LMTK2: variants seen among roughly 807,000 people sequenced by gnomAD.
LMTK2 encodes the protein lemur tail kinase 2.
LMTK2 carries 37 observed loss-of-function variants against 127.5 expected under a neutral mutation model. The observed-to-expected ratio is 0.29, with a 90% CI of 0.22 to 0.38. The LOEUF is 0.38. Among genes scored for constraint, LMTK2 ranks in the 10% least tolerant of loss-of-function variants. LMTK2 has a pLI of 1.00. For synonymous variants in LMTK2, 819 were observed against 810.1 expected (o/e 1.01, Z -0.19); for missense variants, 1,694 against 1,920.3 (o/e 0.88, Z 2.20).
chr7:98,207,317 G>A lies in LMTK2; in HGVS notation c.*1825G>A, dbSNP rs956972889. On this transcript the variant is annotated 3_prime_UTR_variant, in exon 14 of 14. Transcript: ENST00000297293. Reference sequence around the variant, plus strand: ...CTAGTGCAAAATGCAGGCGGACGTTGCCAGAGAGTGCGCAGCAAATGACCT... The same window carrying A: ...CTAGTGCAAAATGCAGGCGGACGTTACCAGAGAGTGCGCAGCAAATGACCT... 6.6e-6 allele frequency: 1 copy of A among 152,204 alleles called. No homozygotes were observed. The highest frequency in any genetic ancestry group is 1.5e-5 in the Non-Finnish European group (1 of 68,048). 9.4% of individuals were successfully genotyped at this position (152,204 alleles called of 1,614,324 possible). A position where few individuals can be genotyped will look rare whatever the true frequency, so the allele number is the denominator to read the frequency against.
intron 13 of LMTK2, 64 bp from the exon 14 acceptor site, chr7:98,205,400 G>T: frequency 2.5e-6 from 4 of 1,600,436 alleles, no homozygotes; most frequent in East Asian, 2.2e-5. Flanking sequence ...TGCCATCCAC[G>T]CCATGCCTGT....
intron 7 of LMTK2, among the ~76,000 whole-genome samples, chr7:98,173,233 A>G (rs1797220441): frequency 6.6e-6 from 1 of 152,168 alleles, no homozygotes; most frequent in Admixed American, 6.5e-5. Flanking sequence ...GACAGAGGAA[A>G]ATTATTAACC....
intron 7 of LMTK2, among the ~76,000 whole-genome samples, chr7:98,176,580 C>G (rs920172298): frequency 6.6e-6 from 1 of 152,268 alleles, no homozygotes; most frequent in African/African-American, 2.4e-5. Flanking sequence ...CACAGTGGCT[C>G]ACACCTGTAA....
intron 1 of LMTK2, among the ~76,000 whole-genome samples, chr7:98,133,711 C>T (rs1796557262): frequency 6.6e-6 from 1 of 152,024 alleles, no homozygotes; most frequent in Non-Finnish European, 1.5e-5. Context: ...GCCCTGCAGA[C>T]CCTAGCAGAA....
chr7:98,200,577 C>T (rs1797691625), intron 11 of LMTK2, among the ~76,000 whole-genome samples: 1 of 152,164 alleles, frequency 6.6e-6, no homozygotes, highest in South Asian at 2.1e-4. Context: ...CACGGGTGGT[C>T]TTGTCACTGA....
intron 4 of LMTK2, among the ~76,000 whole-genome samples, chr7:98,152,157 T>C (rs1365248985): frequency 2.0e-5 from 3 of 152,200 alleles, no homozygotes; most frequent in Non-Finnish European, 4.4e-5. Flanking sequence ...AGTCTTACAA[T>C]GAAGACCACC....
At position 98,203,992 on chromosome 7, in the gene LMTK2, C is replaced by T. The variant is rs1278178780; in HGVS notation, c.4289C>T (p.Ser1430Leu). 1 of 1,614,154 alleles carries T rather than the reference C, an allele frequency of 6.2e-7. No homozygotes were observed. The highest frequency in any genetic ancestry group is 1.1e-5 in the South Asian group (1 of 91,082). ...GACTTCTCCCCAGATCCTTTTATGT[C>T]AAAGACAACAAGTAACCTGCTCAGC... ...DDDFSPDPFMSKTTSNLLSSK... is the reference protein window; with the variant it reads ...DDDFSPDPFMLKTTSNLLSSK... The change falls in exon 13 of 14, where the codon TCA becomes TTA. Residue 1430 changes from serine (S) to leucine (L), a missense_variant. This residue lies in a region of LMTK2 where 554 missense variants were observed against 567.7 expected (regional missense o/e 0.98). Coordinates refer to ENST00000297293, the MANE Select transcript of LMTK2 (RefSeq NM_014916.4).
At chr7:98,197,726 C>T (rs747905942) in intron 11 of LMTK2, among the ~76,000 whole-genome samples, 17 of 152,032 alleles carry the variant, frequency 1.1e-4, no homozygotes, top group Non-Finnish European at 1.9e-4. Flanking sequence ...CCTATAGTCT[C>T]ACCTGCTCAG....
At chr7:98,107,477 G>A (rs1332097066) in intron 1 of LMTK2, among the ~76,000 whole-genome samples, 197 bp downstream of exon 1, 1 of 151,884 alleles carries the variant, frequency 6.6e-6, no homozygotes, top group Non-Finnish European at 1.5e-5. Flanking sequence ...CGACGTCGTT[G>A]GGGCTGGGGA....
intron 6 of LMTK2, among the ~76,000 whole-genome samples, chr7:98,167,852 G>GT (rs2116415259): frequency 6.6e-6 from 1 of 152,330 alleles, no homozygotes; most frequent in South Asian, 2.1e-4. Flanking sequence ...GGGAGAGCCA[G>GT]TGGGGGGGCC....
chr7:98,150,480 G>C (rs1022452077), intron 3 of LMTK2, among the ~76,000 whole-genome samples: 2 of 152,144 alleles, frequency 1.3e-5, no homozygotes, highest in African/African-American at 4.8e-5. Flanking sequence ...AAAAGTTAGA[G>C]ACACCTCCCA....
At chr7:98,107,369 G>T (rs1796125883) in intron 1 of LMTK2, 89 bp downstream of exon 1, 2 of 184,444 alleles carry the variant, frequency 1.1e-5, no homozygotes, top group Non-Finnish European at 1.0e-5. Flanking sequence ...CGGCGCCGAG[G>T]AATCGGAGGG....
chr7:98,112,565 A>C (rs1796217653), intron 1 of LMTK2, among the ~76,000 whole-genome samples: 1 of 152,236 alleles, frequency 6.6e-6, no homozygotes, highest in Admixed American at 6.5e-5. Flanking sequence ...GGCATTGGAC[A>C]GCACAGAAGA....
chr7:98,106,920 G>C lies in LMTK2; in HGVS notation c.-258G>C. 2.2e-6 allele frequency: 1 copy of C among 451,754 alleles called. No homozygotes were observed. Among genetic ancestry groups the C allele is most frequent in the Non-Finnish European group, 3.9e-6 (1 of 254,934 alleles). 28.0% of individuals were successfully genotyped at this position (451,754 alleles called of 1,614,324 possible). ...CGCGGCTTCCCAGGCCCGCCGCTCC[G>C]CAGGGCTGCTGGCGTTGCTGCTGTT... is the stretch of plus-strand genomic sequence containing the variant. On this transcript the variant is annotated 5_prime_UTR_variant, in exon 1 of 14. Transcript: ENST00000297293.
intron 6 of LMTK2, 100 bp downstream of exon 6, chr7:98,159,525 G>A: frequency 1.3e-6 from 1 of 779,032 alleles, no homozygotes. Flanking sequence ...TTTCATGTCT[G>A]TCCCCCACTT....
intron 1 of LMTK2, among the ~76,000 whole-genome samples, chr7:98,109,882 A>T (rs1365381976): frequency 1.3e-5 from 2 of 151,590 alleles, no homozygotes; most frequent in African/African-American, 4.9e-5. Context: ...GACCAAGTTT[A>T]AAAAAAAACC....
At chr7:98,167,411 G>T (rs546779425) in intron 6 of LMTK2, among the ~76,000 whole-genome samples, 8 of 152,330 alleles carry the variant, frequency 5.3e-5, no homozygotes, top group African/African-American at 1.9e-4. Flanking sequence ...ACTGGCTTTG[G>T]CTGCTCAGGC....
chr7:98,107,621 C>T (rs1323129275), intron 1 of LMTK2, among the ~76,000 whole-genome samples: 2 of 152,190 alleles, frequency 1.3e-5, no homozygotes, highest in East Asian at 3.9e-4. Flanking sequence ...ATGTCACCTG[C>T]CTCTTGTGCT....
In LMTK2 at chr7:98,107,149, G is replaced by T; in HGVS notation, c.-29G>T. 7.1e-7 allele frequency: 1 copy of T among 1,409,216 alleles called. No homozygotes were observed. The highest frequency in any genetic ancestry group is 1.5e-5 in the South Asian group (1 of 68,210). The allele number at this position is 1,409,216 out of a possible 1,614,324, so 87.3% of individuals were successfully genotyped here. A position where few individuals can be genotyped will look rare whatever the true frequency, so the allele number is the denominator to read the frequency against. ...CGGACGGACGGAAGGCGACTCGAGG[G>T]CCGGCCCCGGAGCCGCGCCGTGGGC... On this transcript the variant is annotated 5_prime_UTR_variant, in exon 1 of 14. Transcript: ENST00000297293.
Sources: gnomAD v4.1 joint callset for allele counts (sites outside exome capture counted in the v4.1 genomes callset) on GRCh38, gnomAD v4.1.1 for gene constraint, gnomAD v4.1.1 regional missense constraint, MANE v1.5 for transcripts, NCBI Gene and HGNC (gene_info 2026-07-23, HGNC 2026-07-21) for gene names.